EDEM3: variants seen among roughly 807,000 people sequenced by gnomAD.
The protein encoded by EDEM3 is ER degradation-enhancing alpha-mannosidase-like protein 3.
Under a neutral mutation model 110.2 loss-of-function variants are expected in EDEM3, and 60 were observed. The observed-to-expected ratio is 0.54, with a 90% confidence interval of 0.44 to 0.67. The LOEUF (loss-of-function observed/expected upper bound fraction) is 0.67, where lower values mean the gene tolerates loss of function less well. Among genes scored for constraint, EDEM3 ranks in the 30% least tolerant of loss-of-function variants. EDEM3 has a pLI of 0.00. For synonymous variants in EDEM3, 352 were observed against 382.9 expected, an observed-to-expected ratio of 0.92 and a Z score of 0.94; for missense variants, 996 against 1,121.0, an observed-to-expected ratio of 0.89 and a Z score of 1.59.
At chr1:184,746,163 A>G (rs1218199137) in intron 2 of EDEM3, among the ~76,000 whole-genome samples, 3 of 152,244 alleles carry the variant, frequency 2.0e-5, no homozygotes, top group African/African-American at 4.8e-5. Context: ...AGTCATGCCA[A>G]TAAGTGTTAA....
intron 2 of EDEM3, among the ~76,000 whole-genome samples, chr1:184,748,391 G>A (rs1444355977): frequency 2.6e-5 from 4 of 151,574 alleles, no homozygotes; most frequent in African/African-American, 7.3e-5. Flanking sequence ...TGGCTGCAGT[G>A]AGCTGAGATA....
At chr1:184,708,660 C>T (rs956355364) in intron 16 of EDEM3, among the ~76,000 whole-genome samples, 1 of 152,226 alleles carries the variant, frequency 6.6e-6, no homozygotes, top group Non-Finnish European at 1.5e-5. Flanking sequence ...CTGGCTTTCC[C>T]TCTGAAGAAA....
chr1:184,743,902 C>T (rs1431451736), intron 2 of EDEM3, among the ~76,000 whole-genome samples: 1 of 151,260 alleles, frequency 6.6e-6, no homozygotes, highest in East Asian at 1.9e-4. Flanking sequence ...TATATAAATC[C>T]ACCTTTACCT....
intron 19 of EDEM3, chr1:184,701,518 G>T: frequency 7.8e-7 from 1 of 1,282,556 alleles, no homozygotes; most frequent in Non-Finnish European, 1.0e-6. Flanking sequence ...ATGTAGCTTG[G>T]AATCATTTTA....
Position 184,710,380 on chromosome 1 carries a change from T to C in EDEM3, c.1845+14A>G. The C allele has an allele frequency of 6.2e-7, 1 of 1,612,816 alleles. No individual in the cohort carries two copies. The highest frequency in any genetic ancestry group is 8.5e-7 in the Non-Finnish European group (1 of 1,179,268). On this transcript the variant is annotated intron_variant, in intron 16 of 19. Transcript: ENST00000318130. ...GGGCAGAGACGGTATCTAATTAGTG[T>C]AGCAATGTCTTACTTGGATTGCATG... is the stretch of plus-strand genomic sequence containing the variant.
At chr1:184,708,418 C>A (rs1461455559) in intron 16 of EDEM3, 74 bp from the exon 17 acceptor site, 1 of 1,506,230 alleles carries the variant, frequency 6.6e-7, no homozygotes, top group African/African-American at 1.4e-5. Context: ...CCTAAAGACA[C>A]TGTACTGTAG....
At chr1:184,736,902 C>T in intron 4 of EDEM3, 123 bp downstream of exon 4, 1 of 755,868 alleles carries the variant, frequency 1.3e-6, no homozygotes, top group Non-Finnish European at 2.2e-6. Flanking sequence ...TATTTAGAAG[C>T]AAAGATCAGA....
intron 6 of EDEM3, among the ~76,000 whole-genome samples, chr1:184,731,602 C>T (rs1250630739): frequency 1.3e-5 from 2 of 152,150 alleles, no homozygotes; most frequent in African/African-American, 4.8e-5. Context: ...CTCCTCATGC[C>T]CTCCCTCTGT....
At position 184,691,186 on chromosome 1, in the gene EDEM3, T is replaced by C. The variant is rs1649047671; in HGVS notation, c.*2877A>G. The C allele has an allele frequency of 6.6e-6, 1 of 152,480 alleles. No individual in the cohort carries two copies. Among genetic ancestry groups the C allele is most frequent in the Non-Finnish European group, 1.5e-5 (1 of 67,966 alleles). 9.4% of individuals were successfully genotyped at this position (152,480 alleles called of 1,614,324 possible). ...GCAATTTAAGAAGAAAAAAGAAAAC[T>C]TGCCTAACAAAATATCCCATACCAA... On this transcript the variant is annotated 3_prime_UTR_variant, in exon 20 of 20. Coordinates refer to ENST00000318130, the MANE Select transcript of EDEM3 (RefSeq NM_025191.4).
chr1:184,721,487 GC>G, intron 8 of EDEM3, 101 bp from the exon 9 acceptor site: 1 of 740,756 alleles, frequency 1.3e-6, no homozygotes, highest in Non-Finnish European at 2.1e-6. Flanking sequence ...TTAACATTGT[GC>G]ATATATATGA....
chr1:184,742,587 C>T (rs1395094354), intron 2 of EDEM3, among the ~76,000 whole-genome samples: 4 of 152,140 alleles, frequency 2.6e-5, no homozygotes, highest in Non-Finnish European at 5.9e-5. Flanking sequence ...CGGGGTTTCA[C>T]CAAGTTGGCC....
intron 1 of EDEM3, among the ~76,000 whole-genome samples, chr1:184,750,748 T>C (rs12133674): frequency 0.49 from 74,709 of 151,612 alleles, 18,550 homozygotes; most frequent in East Asian, 0.64. Context: ...CCTGACCTCA[T>C]GTGATCCACC....
chr1:184,737,381 T>C (rs1347247576), intron 3 of EDEM3, among the ~76,000 whole-genome samples: 2 of 152,234 alleles, frequency 1.3e-5, no homozygotes, highest in Admixed American at 6.5e-5. Flanking sequence ...AAGTTACATA[T>C]ATTTTAAGTT....
rs1650752122 is a variant in EDEM3, at chr1:184,719,461, G to A, written c.1059C>T (p.Ala353=). The change falls in exon 10 of 20, where the codon GCC becomes GCT. Residue 353 remains alanine (A), a synonymous_variant. Coordinates refer to ENST00000318130, the MANE Select transcript of EDEM3 (RefSeq NM_025191.4). ...NARTWMDALL[A]FFPGLQVLKG... is the part of the protein sequence containing the mutation. ...TTTATACCTGCAAGCCTGGGAAGAA[G>A]GCAAGCAAAGCATCCATCCAAGTCC... is the stretch of plus-strand genomic sequence containing the variant. 1.2e-6 allele frequency: 2 copies of A among 1,613,276 alleles called. No homozygotes were observed. Among genetic ancestry groups the A allele is most frequent in the African/African-American group, 2.7e-5 (2 of 74,974 alleles).
chr1:184,704,624 T>C (rs1490196842), intron 18 of EDEM3, among the ~76,000 whole-genome samples: 1 of 100,958 alleles, frequency 9.9e-6, no homozygotes, highest in Non-Finnish European at 1.8e-5. Context: ...CACTCTAGCC[T>C]GGGTGACAAA....
At position 184,697,786 on chromosome 1, in the gene EDEM3, A is replaced by G. The variant is rs566218607; in HGVS notation, c.2390-3314T>C. 5.2e-4 allele frequency among the ~76,000 whole-genome samples: 79 copies of G among 151,974 alleles called. 1 individual carries two copies. Among genetic ancestry groups the G allele is most frequent in the South Asian group, 3.1e-3 (15 of 4,824 alleles). On this transcript the variant is annotated intron_variant, in intron 19 of 19. Coordinates refer to ENST00000318130, the MANE Select transcript of EDEM3 (RefSeq NM_025191.4). ...GGATGGAGTGATCTTCTGAAGTGAG[A>G]CAGAAGACCCAGGAGCCTCAAAGGA... is the stretch of plus-strand genomic sequence containing the variant.
chr1:184,702,915 ATCTTGATG>A lies in EDEM3; in HGVS notation c.2277_2284del (p.Ile760ProfsTer21). The A allele has an allele frequency of 6.2e-7, 1 of 1,613,726 alleles. No homozygotes were observed. On this transcript the variant is annotated frameshift_variant, in exon 19 of 20. Transcript: ENST00000318130. LOFTEE classifies it high-confidence loss of function. Reference sequence around the variant, plus strand: ...TTTGCTGAATAAGAACAGCATGGGGATCTTGATGTCATCTGTATCCTTTCCATCACCTG... The same window carrying A: ...TTTGCTGAATAAGAACAGCATGGGGATCATCTGTATCCTTTCCATCACCTG...
At chr1:184,699,017 C>T (rs1439878441) in intron 19 of EDEM3, among the ~76,000 whole-genome samples, 3 of 151,676 alleles carry the variant, frequency 2.0e-5, no homozygotes, top group Non-Finnish European at 4.4e-5. Flanking sequence ...AGATCAAAGT[C>T]GTAAGAGCAT....
Position 184,732,918 on chromosome 1 carries a change from A to G in EDEM3, c.531T>C (p.Asp177=). ...ACTGCTTTGCCATTTGGAGAAGTTC[A>G]TCATTGTACCACTGCATATATTCAC... ...EKGEYMQWYN[D]ELLQMAKQLG... The change falls in exon 6 of 20, where the codon GAT becomes GAC. Residue 177 remains aspartate (D), a synonymous_variant. Transcript: ENST00000318130. The G allele has an allele frequency of 2.5e-6, 4 of 1,614,136 alleles. No homozygotes were observed. The highest frequency in any genetic ancestry group is 3.4e-6 in the Non-Finnish European group (4 of 1,179,992).
Sources: gnomAD v4.1 joint callset for allele counts (sites outside exome capture counted in the v4.1 genomes callset) on GRCh38, gnomAD v4.1.1 for gene constraint, MANE v1.5 for transcripts, NCBI Gene and HGNC (gene_info 2026-07-23, HGNC 2026-07-21) for gene names.